NAALADL2: variants seen among roughly 807,000 people sequenced by gnomAD.
NAALADL2 encodes the protein N-acetylated alpha-linked acidic dipeptidase like 2.
In NAALADL2, 76 loss-of-function variants were observed where a neutral mutation model predicts 87.2. That is an observed-to-expected ratio of 0.87 (90% CI 0.72 to 1.05). The LOEUF (loss-of-function observed/expected upper bound fraction) is 1.05. Ranked by LOEUF, NAALADL2 falls within the 50% of genes least tolerant of loss-of-function variation. NAALADL2 has a pLI of 0.00. For missense variants in NAALADL2, 1,089 were observed against 945.8 expected, an observed-to-expected ratio of 1.15 and a Z score of -1.99; for synonymous variants, 354 against 331.0, an observed-to-expected ratio of 1.07 and a Z score of -0.75.
intron 9 of NAALADL2, among the ~76,000 whole-genome samples, chr3:175,486,194 T>C (rs1402632513): frequency 1.3e-5 from 2 of 152,172 alleles, no homozygotes; most frequent in African/African-American, 2.4e-5. Context: ...TAAACCTTAT[T>C]TTTCCACTGC....
chr3:174,840,167 A>G (rs1055382986), intron 3 of NAALADL2, among the ~76,000 whole-genome samples: 11 of 151,566 alleles, frequency 7.3e-5, no homozygotes, highest in Non-Finnish European at 1.2e-4. Context: ...ATATATATCT[A>G]TATATGAGAT....
At chr3:175,435,551 G>C (rs956721950) in intron 5 of NAALADL2, among the ~76,000 whole-genome samples, 36 of 152,004 alleles carry the variant, frequency 2.4e-4, no homozygotes, top group Non-Finnish European at 1.2e-4. Flanking sequence ...TGACTGTCAA[G>C]TTTAGCACAA....
intron 2 of NAALADL2, among the ~76,000 whole-genome samples, chr3:175,122,235 T>C (rs1346862556): frequency 2.0e-5 from 3 of 151,814 alleles, no homozygotes; most frequent in Non-Finnish European, 4.4e-5. Flanking sequence ...TACTGGTTGA[T>C]TGCCACTGGG....
intron 1 of NAALADL2, among the ~76,000 whole-genome samples, chr3:174,975,220 T>A (rs1423239274): frequency 6.6e-6 from 1 of 152,182 alleles, no homozygotes; most frequent in Non-Finnish European, 1.5e-5. Flanking sequence ...TGACTTGACA[T>A]CTTTCTGCTT....
At chr3:174,582,045 T>C (rs1716220668) in intron 2 of NAALADL2, among the ~76,000 whole-genome samples, 1 of 152,174 alleles carries the variant, frequency 6.6e-6, no homozygotes, top group African/African-American at 2.4e-5. Context: ...ATGGCTGAGA[T>C]AGATAGATAG....
intron 3 of NAALADL2, among the ~76,000 whole-genome samples, chr3:174,853,201 C>CAAAAAAAAAAA (rs34303846): frequency 2.8e-4 from 13 of 45,624 alleles, no homozygotes; most frequent in Admixed American, 3.5e-4. Context: ...CCGTCTCTAC[C>CAAAAAAAAAAA]AAAAAAAAAA....
intron 1 of NAALADL2, among the ~76,000 whole-genome samples, chr3:174,880,574 G>A (rs951776398): frequency 1.3e-5 from 2 of 151,920 alleles, no homozygotes; most frequent in Non-Finnish European, 2.9e-5. Context: ...TCTCAACACA[G>A]ACTCAATGAC....
chr3:174,953,302 T>C (rs1424717115), intron 1 of NAALADL2, among the ~76,000 whole-genome samples: 249 of 61,098 alleles, frequency 4.1e-3, no homozygotes, highest in Middle Eastern at 0.01. Context: ...TTGCCTCCCC[T>C]CCCCTCCCCT....
At chr3:174,924,995 A>G (rs1201175960) in intron 1 of NAALADL2, among the ~76,000 whole-genome samples, 1 of 152,114 alleles carries the variant, frequency 6.6e-6, no homozygotes, top group African/African-American at 2.4e-5. Flanking sequence ...AGTAGATTGC[A>G]AAAATTTTCT....
chr3:175,460,236 G>A (rs75304189), intron 6 of NAALADL2: 1 of 454,478 alleles, frequency 2.2e-6, no homozygotes, highest in East Asian at 7.0e-5. Context: ...AATTTAAAAT[G>A]TGATCATGGT....
chr3:175,019,732 C>T (rs539310871), intron 1 of NAALADL2, among the ~76,000 whole-genome samples: 2 of 152,162 alleles, frequency 1.3e-5, no homozygotes, highest in African/African-American at 4.8e-5. Flanking sequence ...TTAAGAATGA[C>T]ATTAATCTGG....
intron 10 of NAALADL2, among the ~76,000 whole-genome samples, chr3:175,624,286 G>C (rs2149708495): frequency 6.6e-6 from 1 of 152,080 alleles, no homozygotes; most frequent in East Asian, 1.9e-4. Context: ...ACTTTCCAGA[G>C]TTCCTCCTCA....
At chr3:175,372,695 C>T (rs896026766) in intron 5 of NAALADL2, among the ~76,000 whole-genome samples, 1 of 152,140 alleles carries the variant, frequency 6.6e-6, no homozygotes, top group Admixed American at 6.5e-5. Context: ...TATACCTGGG[C>T]ACGTTGCCAT....
intron 3 of NAALADL2, among the ~76,000 whole-genome samples, chr3:174,786,624 A>G (rs1232253904): frequency 1.3e-5 from 2 of 152,004 alleles, no homozygotes; most frequent in Non-Finnish European, 2.9e-5. Context: ...TTTTTTGTCT[A>G]AGAAACCATT....
chr3:175,236,486 T>C (rs1241826053), intron 3 of NAALADL2, among the ~76,000 whole-genome samples: 14 of 147,950 alleles, frequency 9.5e-5, no homozygotes, highest in African/African-American at 3.5e-4. Context: ...GAGGGGAGGT[T>C]GCAGTCAGCC....
At chr3:175,263,367 A>G (rs1751401969) in intron 4 of NAALADL2, among the ~76,000 whole-genome samples, 2 of 151,942 alleles carry the variant, frequency 1.3e-5, no homozygotes, top group Non-Finnish European at 2.9e-5. Context: ...TGAAAGTTTC[A>G]ACTTCTATTC....
chr3:174,463,480 T>A (rs1169311292), intron 1 of NAALADL2, among the ~76,000 whole-genome samples: 1 of 152,132 alleles, frequency 6.6e-6, no homozygotes, highest in African/African-American at 2.4e-5. Context: ...GAAATAGCTA[T>A]CAAATTGCAA....
At chr3:174,677,558 T>TG (rs1446015284) in intron 2 of NAALADL2, among the ~76,000 whole-genome samples, 1 of 152,108 alleles carries the variant, frequency 6.6e-6, no homozygotes, top group Non-Finnish European at 1.5e-5. Context: ...ACTGAATCTG[T>TG]GAATAGTAAA....
intron 11 of NAALADL2, among the ~76,000 whole-genome samples, chr3:175,665,605 C>G (rs1445040125): frequency 6.6e-6 from 1 of 152,040 alleles, no homozygotes; most frequent in Non-Finnish European, 1.5e-5. Flanking sequence ...ATTAATAGCT[C>G]TCCAGTTCAT....
Sources: allele counts gnomAD v4.1 joint callset (sites outside exome capture counted in the v4.1 genomes callset), GRCh38; gene constraint gnomAD v4.1.1; transcripts MANE v1.5; gene names NCBI Gene and HGNC (gene_info 2026-07-23, HGNC 2026-07-21).